Variants in ALPK1 observed in about 807,000 individuals in gnomAD.
ALPK1 encodes the protein alpha-protein kinase 1.
In ALPK1, 110 loss-of-function variants were observed where a neutral mutation model predicts 120.6. The ratio of observed to expected loss-of-function variants is 0.91; its 90% CI spans 0.78 to 1.07. The LOEUF is 1.07. Among genes scored for constraint, ALPK1 ranks in the 50% least tolerant of loss-of-function variants. The probability of loss-of-function intolerance (pLI) is 0.00; values close to 1 mark genes in which losing one functional copy is unlikely to be tolerated. For missense variants in ALPK1, 1,498 were observed against 1,483.9 expected, an observed-to-expected ratio of 1.01 and a Z score of -0.16; for synonymous variants, 582 against 560.3, an observed-to-expected ratio of 1.04 and a Z score of -0.55.
At chr4:112,389,105 C>T (rs1732286098) in intron 4 of ALPK1, among the ~76,000 whole-genome samples, 2 of 148,542 alleles carry the variant, frequency 1.3e-5, no homozygotes, top group East Asian at 2.0e-4. Context: ...AGTGCAATGG[C>T]GTGATCTCGG....
At chr4:112,387,131 C>T (rs898761237) in intron 4 of ALPK1, among the ~76,000 whole-genome samples, 1 of 152,194 alleles carries the variant, frequency 6.6e-6, no homozygotes, top group Non-Finnish European at 1.5e-5. Context: ...GCTAGGAAAA[C>T]CCATAGAATG....
intron 5 of ALPK1, chr4:112,414,475 G>A: frequency 2.9e-6 from 1 of 339,286 alleles, no homozygotes; most frequent in South Asian, 2.2e-5. Context: ...AGGCGTGGTG[G>A]CAGCCGCCTG....
At chr4:112,357,729 C>T in intron 2 of ALPK1, 2 of 1,472,968 alleles carry the variant, frequency 1.4e-6, no homozygotes, top group Non-Finnish European at 9.5e-7. Flanking sequence ...CCAAGGAGTG[C>T]TTGTCCTCTT....
intron 2 of ALPK1, chr4:112,357,343 C>T (rs894999918): frequency 5.0e-5 from 39 of 782,014 alleles, no homozygotes; most frequent in African/African-American, 4.1e-4. Flanking sequence ...TAGACCCCTC[C>T]GAGAATGGCC....
chr4:112,321,053 C>T (rs916368011), intron 2 of ALPK1, among the ~76,000 whole-genome samples: 5 of 151,842 alleles, frequency 3.3e-5, no homozygotes, highest in African/African-American at 4.8e-5. Flanking sequence ...CCTGCCACCA[C>T]GCCCGGCTAA....
intron 1 of ALPK1, among the ~76,000 whole-genome samples, chr4:112,308,811 G>C (rs185887148): frequency 6.6e-6 from 1 of 152,100 alleles, no homozygotes; most frequent in Non-Finnish European, 1.5e-5. Context: ...TCCTTTGGAG[G>C]GGGAGGGGCG....
Position 112,440,976 on chromosome 4 carries a change from G to A in ALPK1, c.3598G>A (p.Val1200Ile), listed in dbSNP as rs749203950. 12 of 1,613,898 alleles carry A rather than the reference G, an allele frequency of 7.4e-6. No individual in the cohort carries two copies. The highest frequency in any genetic ancestry group is 5.0e-5 in the Admixed American group (3 of 59,988). The change falls in exon 15 of 16, where the codon GTT becomes ATT. Residue 1200 changes from valine (V) to isoleucine (I), a missense_variant. Transcript: ENST00000650871. Reference protein sequence around the residue: ...IYLTDPQIHSVDQKVFTTNFG... With the variant: ...IYLTDPQIHSIDQKVFTTNFG... ...CCTCACAGATCCCCAGATTCACTCC[G>A]TTGATCAGAAAGTTTTCACTACCAA...
rs373617974 is a variant in ALPK1, at chr4:112,344,326, A to G, written c.-101+28474A>G. 1.1e-4 allele frequency among the ~76,000 whole-genome samples: 16 copies of G among 152,258 alleles called. No individual in the cohort carries two copies. In the East Asian group the frequency reaches 2.9e-3, roughly 28 times the overall value. On this transcript the variant is annotated intron_variant, in intron 2 of 15. Coordinates refer to ENST00000650871, the MANE Select transcript of ALPK1 (RefSeq NM_025144.4). ...CTGCTGCGAGTGGAAGTCTAGGGAG[A>G]GCTCAGTTGTAAGCAATGATCTTTC...
At chr4:112,387,132 C>A (rs996983171) in intron 4 of ALPK1, among the ~76,000 whole-genome samples, 2 of 152,162 alleles carry the variant, frequency 1.3e-5, no homozygotes, top group Non-Finnish European at 2.9e-5. Flanking sequence ...CTAGGAAAAC[C>A]CATAGAATGC....
At chr4:112,307,500 A>T (rs961512511) in intron 1 of ALPK1, among the ~76,000 whole-genome samples, 5 of 152,218 alleles carry the variant, frequency 3.3e-5, no homozygotes, top group Non-Finnish European at 7.3e-5. Flanking sequence ...CTTTACCATT[A>T]TGTAATGGCC....
intron 2 of ALPK1, chr4:112,358,935 C>T (rs1015687591): frequency 1.3e-6 from 1 of 769,108 alleles, no homozygotes; most frequent in Non-Finnish European, 2.4e-6. Context: ...CAGCCAGCTC[C>T]AGGGCTTCTA....
At position 112,412,017 on chromosome 4, in the gene ALPK1, T is replaced by C; in HGVS notation, c.467T>C (p.Val156Ala). Reference protein sequence around the residue: ...QVVIRQARISVNSGKLLKAEY... With the variant: ...QVVIRQARISANSGKLLKAEY... ...GTTATTCGCCAAGCCCGAATCTCCGTGAACTCAGGTATGCTCCCTCCTGCT... is the reference window on the plus strand; with the variant it reads ...GTTATTCGCCAAGCCCGAATCTCCGCGAACTCAGGTATGCTCCCTCCTGCT... The change falls in exon 5 of 16, where the codon GTG becomes GCG. Residue 156 changes from valine (V) to alanine (A), a missense_variant. Coordinates refer to ENST00000650871, the MANE Select transcript of ALPK1 (RefSeq NM_025144.4). The C allele has an allele frequency of 1.9e-6, 3 of 1,613,972 alleles. No individual in the cohort carries two copies. The highest frequency in any genetic ancestry group is 2.5e-6 in the Non-Finnish European group (3 of 1,180,020).
chr4:112,386,166 G>A (rs1242822264), intron 4 of ALPK1, among the ~76,000 whole-genome samples: 1 of 152,084 alleles, frequency 6.6e-6, no homozygotes, highest in African/African-American at 2.4e-5. Flanking sequence ...TTTGCTTTCT[G>A]GTCTCCACTG....
rs575188743 is a variant in ALPK1, at chr4:112,442,164, G to A, written c.*954G>A. ...CATTCACTCTCACGAGAACAGCATG[G>A]GAAAAACTGCCTCAATTACCTCCTA... On this transcript the variant is annotated 3_prime_UTR_variant, in exon 16 of 16. Coordinates refer to ENST00000650871, the MANE Select transcript of ALPK1 (RefSeq NM_025144.4). The A allele has an allele frequency of 6.6e-6, 1 of 152,186 alleles. No homozygotes were observed. Among genetic ancestry groups the A allele is most frequent in the South Asian group, 2.1e-4 (1 of 4,820 alleles). The allele number at this position is 152,186 out of a possible 1,614,324, so 9.4% of individuals were successfully genotyped here.
intron 5 of ALPK1, among the ~76,000 whole-genome samples, chr4:112,416,889 A>C (rs1733769765): frequency 6.6e-6 from 1 of 152,000 alleles, no homozygotes; most frequent in African/African-American, 2.4e-5. Context: ...AAAAAAAAAA[A>C]AAAACTTTTT....
At chr4:112,355,388 C>A (rs369903290) in intron 2 of ALPK1, among the ~76,000 whole-genome samples, 1 of 152,112 alleles carries the variant, frequency 6.6e-6, no homozygotes, top group Non-Finnish European at 1.5e-5. Context: ...GACAGCGACA[C>A]GAGCAGAAGC....
intron 3 of ALPK1, among the ~76,000 whole-genome samples, chr4:112,380,372 A>T (rs372624582): frequency 1.4e-4 from 22 of 152,330 alleles, no homozygotes; most frequent in African/African-American, 4.6e-4. Context: ...TCAGTCACAC[A>T]GTAGATGCTC....
chr4:112,425,247 TA>T (rs1734184412), intron 6 of ALPK1: 1 of 158,656 alleles, frequency 6.3e-6, no homozygotes, highest in Non-Finnish European at 1.4e-5. Context: ...AAAGCAACCA[TA>T]AGACAGTGGG....
chr4:112,340,929 T>C (rs1729835019), intron 2 of ALPK1, among the ~76,000 whole-genome samples: 1 of 152,254 alleles, frequency 6.6e-6, no homozygotes, highest in South Asian at 2.1e-4. Flanking sequence ...TGTAATGATG[T>C]GTAGCATCTT....
Sources: gnomAD v4.1 joint callset for allele counts (sites outside exome capture counted in the v4.1 genomes callset) on GRCh38, gnomAD v4.1.1 for gene constraint, MANE v1.5 for transcripts, NCBI Gene and HGNC (gene_info 2026-07-23, HGNC 2026-07-21) for gene names.